WWOX: variants seen among roughly 807,000 people sequenced by gnomAD.
WWOX encodes the protein WW domain containing oxidoreductase, also known as WW domain-containing oxidoreductase.
In WWOX, 69 loss-of-function variants were observed where a neutral mutation model predicts 46.2. That is an observed-to-expected ratio of 1.49 (90% CI 1.23 to 1.82). The LOEUF (loss-of-function observed/expected upper bound fraction) is 1.82. Ranked by LOEUF, WWOX falls within the 40% of genes most tolerant of loss-of-function variation. The probability of loss-of-function intolerance (pLI) is 0.00; values close to 1 mark genes in which losing one functional copy is unlikely to be tolerated. For synonymous variants in WWOX, 359 were observed against 202.6 expected (o/e 1.77, Z -6.56); for missense variants, 919 against 542.6 (o/e 1.69, Z -6.89).
At chr16:79,094,900 A>T (rs2049038202) in intron 8 of WWOX, among the ~76,000 whole-genome samples, 1 of 152,172 alleles carries the variant, frequency 6.6e-6, no homozygotes, top group African/African-American at 2.4e-5. Flanking sequence ...AAACCAGATC[A>T]GCGTCGTGGG....
rs151259441 is a variant in WWOX at position 79,037,311 on chromosome 16, G to A, written c.1057-174297G>A. 6.9e-3 allele frequency among the ~76,000 whole-genome samples: 1,052 copies of A among 152,328 alleles called. 8 individuals carry two copies. The highest frequency in any genetic ancestry group is 0.011 in the Non-Finnish European group (718 of 68,030). ...GCCTGGAAAGTGCTGGGGCATGGGT[G>A]AAACCAGAATGGTTTTGATTCTCAA... On this transcript the variant is annotated intron_variant, in intron 8 of 8. Transcript: ENST00000566780.
chr16:78,727,995 A>T (rs2142374052), intron 8 of WWOX, among the ~76,000 whole-genome samples: 1 of 150,974 alleles, frequency 6.6e-6, no homozygotes, highest in Non-Finnish European at 1.5e-5. Flanking sequence ...GTTTATAAGT[A>T]AGAAACCTAT....
At chr16:78,714,522 G>C (rs1040890160) in intron 8 of WWOX, among the ~76,000 whole-genome samples, 3 of 151,768 alleles carry the variant, frequency 2.0e-5, no homozygotes, top group African/African-American at 4.8e-5. Context: ...GATTTTGGTG[G>C]GGACACAGAC....
chr16:79,198,948 T>A (rs1217491670), intron 8 of WWOX, among the ~76,000 whole-genome samples: 1 of 152,216 alleles, frequency 6.6e-6, no homozygotes, highest in East Asian at 1.9e-4. Flanking sequence ...CATAGTGCAG[T>A]TGTTGAGACT....
intron 5 of WWOX, among the ~76,000 whole-genome samples, chr16:78,246,727 C>T (rs1260925884): frequency 6.6e-6 from 1 of 152,186 alleles, no homozygotes; most frequent in Non-Finnish European, 1.5e-5. Flanking sequence ...AGCCAGTTCC[C>T]CCCGACCATC....
intron 5 of WWOX, among the ~76,000 whole-genome samples, chr16:78,205,366 G>A (rs938752441): frequency 4.0e-5 from 6 of 151,682 alleles, no homozygotes; most frequent in African/African-American, 1.4e-4. Flanking sequence ...CCATCTGTTC[G>A]TTCATACATC....
At chr16:78,261,205 A>G (rs1433984223) in intron 5 of WWOX, among the ~76,000 whole-genome samples, 1 of 150,822 alleles carries the variant, frequency 6.6e-6, no homozygotes, top group Non-Finnish European at 1.5e-5. Flanking sequence ...ATCATGCTTT[A>G]TGTGTGTTCA....
At chr16:78,185,878 C>G in intron 5 of WWOX, among the ~76,000 whole-genome samples, 1 of 152,074 alleles carries the variant, frequency 6.6e-6, no homozygotes, top group Non-Finnish European at 1.5e-5. Context: ...GTTGGCCAGG[C>G]TGGTCTTGAA....
intron 8 of WWOX, among the ~76,000 whole-genome samples, chr16:78,691,597 A>C (rs2047989562): frequency 6.6e-6 from 1 of 152,146 alleles, no homozygotes; most frequent in Non-Finnish European, 1.5e-5. Flanking sequence ...AGTCCCAGCT[A>C]ACTGGGAGTC....
intron 5 of WWOX, among the ~76,000 whole-genome samples, chr16:78,202,987 G>T (rs1467095389): frequency 1.3e-5 from 2 of 152,176 alleles, no homozygotes; most frequent in East Asian, 3.8e-4. Flanking sequence ...TCCTGCACAG[G>T]CTGTCTGCCA....
chr16:78,436,393 T>G (rs963521890), intron 8 of WWOX, among the ~76,000 whole-genome samples: 3 of 152,202 alleles, frequency 2.0e-5, no homozygotes, highest in African/African-American at 4.8e-5. Context: ...GTGTGGACTT[T>G]TCTTGTTTCT....
intron 8 of WWOX, among the ~76,000 whole-genome samples, chr16:78,979,107 C>T (rs928135101): frequency 1.1e-4 from 16 of 144,638 alleles, no homozygotes; most frequent in African/African-American, 4.2e-4. Context: ...TTTCCCTATA[C>T]AGACACAGGA....
chr16:78,437,973 A>C (rs1411597492), intron 8 of WWOX, among the ~76,000 whole-genome samples: 1 of 152,178 alleles, frequency 6.6e-6, no homozygotes, highest in East Asian at 1.9e-4. Flanking sequence ...ATTTATATAT[A>C]CATATTAGTC....
At chr16:78,778,396 A>G (rs1166610775) in intron 8 of WWOX, among the ~76,000 whole-genome samples, 1 of 152,164 alleles carries the variant, frequency 6.6e-6, no homozygotes, top group Non-Finnish European at 1.5e-5. Context: ...CCACAAACTA[A>G]TAAATATGCC....
intron 8 of WWOX, among the ~76,000 whole-genome samples, chr16:79,081,301 T>C (rs959729244): frequency 2.6e-5 from 4 of 152,114 alleles, no homozygotes; most frequent in Admixed American, 2.6e-4. Flanking sequence ...GGAGCTGGGA[T>C]TACAGGTGTG....
intron 8 of WWOX, among the ~76,000 whole-genome samples, chr16:79,126,058 C>G (rs1284601224): frequency 6.6e-6 from 1 of 151,992 alleles, no homozygotes; most frequent in Non-Finnish European, 1.5e-5. Context: ...ATTATGATCC[C>G]TTGTGTTAAA....
At chr16:79,100,654 C>A (rs2049173447) in intron 8 of WWOX, among the ~76,000 whole-genome samples, 1 of 152,116 alleles carries the variant, frequency 6.6e-6, no homozygotes, top group African/African-American at 2.4e-5. Context: ...TCTGCATGTT[C>A]TGACAGTTTA....
rs373475921 is a variant in WWOX at position 78,881,267 on chromosome 16, G to C, written c.1057-330341G>C. Among the ~76,000 whole-genome samples, 9 of 152,168 alleles carry C rather than the reference G, an allele frequency of 5.9e-5. No homozygotes were observed. In the East Asian group the frequency reaches 7.7e-4, roughly 13 times the overall value. ...GATTCACGTGCCTCAGCCTCCCAAA[G>C]TGCTAGGGTTACAGGCATGAGCCAC... is the stretch of plus-strand genomic sequence containing the variant. On this transcript the variant is annotated intron_variant, in intron 8 of 8. Coordinates refer to ENST00000566780, the MANE Select transcript of WWOX (RefSeq NM_016373.4).
Position 78,874,672 on chromosome 16 carries a change from G to C in WWOX, c.1057-336936G>C, listed in dbSNP as rs566691212. On this transcript the variant is annotated intron_variant, in intron 8 of 8. Coordinates refer to ENST00000566780, the MANE Select transcript of WWOX (RefSeq NM_016373.4). ...ACACCTTCAACTGTGTCTGTGACCA[G>C]AAGATTTTTTTCTTTTTTTTTTTTT... Among the ~76,000 whole-genome samples, 37 of 140,098 alleles carry C rather than the reference G, an allele frequency of 2.6e-4. No individual in the cohort carries two copies. The Admixed American group carries it at 2.7e-3, about 10-fold the overall frequency. 91.9% of individuals were successfully genotyped at this position (140,098 alleles called of 152,430 possible). A position where few individuals can be genotyped will look rare whatever the true frequency, so the allele number is the denominator to read the frequency against.
Sources: allele counts gnomAD v4.1 joint callset (sites outside exome capture counted in the v4.1 genomes callset), GRCh38; gene constraint gnomAD v4.1.1; transcripts MANE v1.5; gene names NCBI Gene and HGNC (gene_info 2026-07-23, HGNC 2026-07-21).